RBM8A: variants seen among roughly 807,000 people sequenced by gnomAD.
RBM8A encodes the protein RNA-binding protein 8A.
In RBM8A, 8 loss-of-function variants were observed where a neutral mutation model predicts 25.1. That is an observed-to-expected ratio of 0.32 (90% CI 0.19 to 0.58). RBM8A has a LOEUF of 0.58. RBM8A is among the 20% of genes least tolerant of loss of function. RBM8A has a pLI of 0.88. For synonymous variants in RBM8A, 66 were observed against 80.0 expected, an observed-to-expected ratio of 0.82 and a Z score of 0.94; for missense variants, 114 against 236.8, an observed-to-expected ratio of 0.48 and a Z score of 3.40.
Position 145,926,638 on chromosome 1 carries a change from A to T in RBM8A, c.206-20T>A, listed in dbSNP as rs117017431. Reference sequence around the variant, plus strand: ...CAACAGCTGTTGGGGGACGGGGGGAAGTTGTATGAGTACATGAGAGACACT... The same window carrying T: ...CAACAGCTGTTGGGGGACGGGGGGATGTTGTATGAGTACATGAGAGACACT... On this transcript the variant is annotated intron_variant, in intron 3 of 5. Transcript: ENST00000583313. 2.9e-5 allele frequency: 47 copies of T among 1,613,676 alleles called. No homozygotes were observed. The highest frequency in any genetic ancestry group is 3.3e-5 in the Admixed American group (2 of 59,960).
Position 145,923,016 on chromosome 1 carries a change from G to C in RBM8A, c.*2866C>G, listed in dbSNP as rs1378996164. 1 of 151,914 alleles carries C rather than the reference G, an allele frequency of 6.6e-6. No individual in the cohort carries two copies. Among genetic ancestry groups the C allele is most frequent in the Non-Finnish European group, 1.5e-5 (1 of 68,010 alleles). The allele number at this position is 151,914 out of a possible 1,614,324, so 9.4% of individuals were successfully genotyped here. A position where few individuals can be genotyped will look rare whatever the true frequency, so the allele number is the denominator to read the frequency against. ...TGCTCACTGCAAGCTCCGCCTCCTG[G>C]GTTCAGGTCATTCTCCTGCCTCAGC... On this transcript the variant is annotated 3_prime_UTR_variant, in exon 6 of 6. Coordinates refer to ENST00000583313, the MANE Select transcript of RBM8A (RefSeq NM_005105.5).
rs963752438 is a variant in RBM8A, at chr1:145,922,660, C to G, written c.*3222G>C. ...TCCTTTTAGGTAAATTCTGTATTGCCCATATGCTGTAATTGTAGTTAAAAT... is the reference window on the plus strand; with the variant it reads ...TCCTTTTAGGTAAATTCTGTATTGCGCATATGCTGTAATTGTAGTTAAAAT... On this transcript the variant is annotated 3_prime_UTR_variant, in exon 6 of 6. Coordinates refer to ENST00000583313, the MANE Select transcript of RBM8A (RefSeq NM_005105.5). 5 of 151,778 alleles carry G rather than the reference C, an allele frequency of 3.3e-5. No homozygotes were observed. The highest frequency in any genetic ancestry group is 6.6e-5 in the Admixed American group (1 of 15,216). 9.4% of individuals were successfully genotyped at this position (151,778 alleles called of 1,614,324 possible).
chr1:145,924,561 G>C lies in RBM8A; in HGVS notation c.*1321C>G. 2.7e-6 allele frequency: 1 copy of C among 368,190 alleles called. No homozygotes were observed. The highest frequency in any genetic ancestry group is 5.5e-6 in the Non-Finnish European group (1 of 181,722). The allele number at this position is 368,190 out of a possible 1,614,324, so 22.8% of individuals were successfully genotyped here. ...TAAACAGCTGAGTTAGCTGGACAAG[G>C]ACTAGGGAGGCAATCAGTATTATTT... On this transcript the variant is annotated 3_prime_UTR_variant, in exon 6 of 6. Transcript: ENST00000583313.
rs1647870671 is a variant in RBM8A at position 145,922,855 on chromosome 1, A to G, written c.*3027T>C. The G allele has an allele frequency of 6.6e-6, 1 of 152,196 alleles. No individual in the cohort carries two copies. The highest frequency in any genetic ancestry group is 1.5e-5 in the Non-Finnish European group (1 of 68,036). The allele number at this position is 152,196 out of a possible 1,614,324, so 9.4% of individuals were successfully genotyped here. A position where few individuals can be genotyped will look rare whatever the true frequency, so the allele number is the denominator to read the frequency against. ...TTTCTACAGTACGTGGTAAATGGCAATAAAACAGGATAAAGGAAAGATCAA... is the reference window on the plus strand; with the variant it reads ...TTTCTACAGTACGTGGTAAATGGCAGTAAAACAGGATAAAGGAAAGATCAA... On this transcript the variant is annotated 3_prime_UTR_variant, in exon 6 of 6. Coordinates refer to ENST00000583313, the MANE Select transcript of RBM8A (RefSeq NM_005105.5).
Position 145,922,196 on chromosome 1 carries a change from C to G in RBM8A, c.*3686G>C, listed in dbSNP as rs1468374797. ...CCAAGACTGCACCACTGCACTCCGG[C>G]GTGGGCGGCAGAGCCAGACTCTGTT... is the stretch of plus-strand genomic sequence containing the variant. On this transcript the variant is annotated 3_prime_UTR_variant, in exon 6 of 6. Transcript: ENST00000583313. 1.8e-5 allele frequency: 2 copies of G among 111,518 alleles called. No individual in the cohort carries two copies. 6.9% of individuals were successfully genotyped at this position (111,518 alleles called of 1,614,324 possible). A position where few individuals can be genotyped will look rare whatever the true frequency, so the allele number is the denominator to read the frequency against.
chr1:145,923,355 C>T lies in RBM8A; in HGVS notation c.*2527G>A, dbSNP rs782577303. 1 of 152,348 alleles carries T rather than the reference C, an allele frequency of 6.6e-6. No individual in the cohort carries two copies. The highest frequency in any genetic ancestry group is 1.5e-5 in the Non-Finnish European group (1 of 68,146). 9.4% of individuals were successfully genotyped at this position (152,348 alleles called of 1,614,324 possible). A position where few individuals can be genotyped will look rare whatever the true frequency, so the allele number is the denominator to read the frequency against. On this transcript the variant is annotated 3_prime_UTR_variant, in exon 6 of 6. Transcript: ENST00000583313. The stretch of plus-strand genomic sequence containing the variant: ...AGATGGGAAGAGGAAAGACCATTTC[C>T]CAACTAGCTCAGAGTAGCCTGATCG...
rs1553755928 is a variant in RBM8A at position 145,926,498 on chromosome 1, C to T, written c.326G>A (p.Arg109Gln). ...IKNIHLNLDRRTGYLKGYTLV... is the reference protein window; with the variant it reads ...IKNIHLNLDRQTGYLKGYTLV... Reference sequence around the variant, plus strand: ...TTAGGATACCTTCAGATATCCTGTTCGCCTGTCGAGGTTGAGATGAATGTT... The same window carrying T: ...TTAGGATACCTTCAGATATCCTGTTTGCCTGTCGAGGTTGAGATGAATGTT... Residue 109 changes from arginine (R) to glutamine (Q), a missense_variant, in exon 4 of 6, where the codon CGA becomes CAA. By Grantham distance (43) the Arg-to-Gln change is conservative (BLOSUM62 1). Transcript: ENST00000583313. The T allele has an allele frequency of 1.2e-6, 2 of 1,614,066 alleles. No homozygotes were observed. The highest frequency in any genetic ancestry group is 1.7e-6 in the Non-Finnish European group (2 of 1,180,010).
rs1255830905 is a variant in RBM8A at position 145,923,709 on chromosome 1, A to G, written c.*2173T>C. 4 of 449,950 alleles carry G rather than the reference A, an allele frequency of 8.9e-6. No individual in the cohort carries two copies. Among genetic ancestry groups the G allele is most frequent in the African/African-American group, 7.8e-5 (4 of 51,498 alleles). 27.9% of individuals were successfully genotyped at this position (449,950 alleles called of 1,614,324 possible). A position where few individuals can be genotyped will look rare whatever the true frequency, so the allele number is the denominator to read the frequency against. On this transcript the variant is annotated 3_prime_UTR_variant, in exon 6 of 6. Transcript: ENST00000583313. ...TTCTTTACCATTATAGTTACTGCAC[A>G]TAAGACTATTACTACTAAAGGTCAC...
Position 145,927,439 on chromosome 1 carries a change from C to T in RBM8A, c.-13G>A, listed in dbSNP as rs1553756207. The stretch of plus-strand genomic sequence containing the variant: ...GCACGTCCGCCATCTCGCCTTCGAT[C>T]GAGATCTCGTCTGTGCCGCTCAGAC... On this transcript the variant is annotated 5_prime_UTR_variant, in exon 1 of 6. Coordinates refer to ENST00000583313, the MANE Select transcript of RBM8A (RefSeq NM_005105.5). 2 of 1,608,182 alleles carry T rather than the reference C, an allele frequency of 1.2e-6. No homozygotes were observed. Among genetic ancestry groups the T allele is most frequent in the East Asian group, 2.2e-5 (1 of 44,764 alleles).
chr1:145,926,113 C>T lies in RBM8A; in HGVS notation c.407G>A (p.Gly136Asp). 1 of 1,614,216 alleles carries T rather than the reference C, an allele frequency of 6.2e-7. No homozygotes were observed. ...EAQAAMEGLN[G>D]QDLMGQPISV... ...GATGGGCTGTCCCATCAAATCCTGG[C>T]CATTGAGTCCCTCCATAGCAGCCTG... The change falls in exon 5 of 6, where the codon GGC (glycine) becomes GAC (aspartate). Residue 136 changes from glycine to aspartate, a missense_variant. Gly to Asp is a moderately conservative substitution (Grantham distance 94). Around this residue, in one of 2 missense-constraint regions of RBM8A, gnomAD observed 102 missense variants for 182.7 expected, o/e 0.56. Coordinates refer to ENST00000583313, the MANE Select transcript of RBM8A (RefSeq NM_005105.5).
intron 1 of RBM8A, 22 bp from the exon 2 acceptor site, chr1:145,927,099 G>T (rs782611966): frequency 2.5e-6 from 4 of 1,609,644 alleles, no homozygotes; most frequent in South Asian, 2.2e-5. Flanking sequence ...GAAGATAAAA[G>T]AATAAGTAAC....
chr1:145,925,716 T>A lies in RBM8A; in HGVS notation c.*166A>T. ...TCAATTTTAGGACAGGAAAGTAACA[T>A]TAAATGTAGAAAACAAAAATGGAAC... On this transcript the variant is annotated 3_prime_UTR_variant, in exon 6 of 6. Transcript: ENST00000583313. 1.4e-6 allele frequency: 1 copy of A among 711,550 alleles called. No individual in the cohort carries two copies. 44.1% of individuals were successfully genotyped at this position (711,550 alleles called of 1,614,324 possible).
Position 145,925,822 on chromosome 1 carries a change from G to A in RBM8A, c.*60C>T. The A allele has an allele frequency of 1.9e-6, 3 of 1,540,436 alleles. No homozygotes were observed. Among genetic ancestry groups the A allele is most frequent in the Non-Finnish European group, 2.7e-6 (3 of 1,115,398 alleles). On this transcript the variant is annotated 3_prime_UTR_variant, in exon 6 of 6. Coordinates refer to ENST00000583313, the MANE Select transcript of RBM8A (RefSeq NM_005105.5). ...AGCAAGTTCCACCCCAGTCCTATTT[G>A]TCCAAGGCTGCATGGTCAAATGGAA...
In RBM8A at chr1:145,926,303, T is replaced by G. The variant is rs587621412; in HGVS notation, c.343-126A>C. 328 of 1,449,334 alleles carry G rather than the reference T, an allele frequency of 2.3e-4. 2 individuals carry two copies. The highest frequency in any genetic ancestry group is 8.2e-4 in the African/African-American group (58 of 70,778). 89.8% of individuals were successfully genotyped at this position (1,449,334 alleles called of 1,614,324 possible). On this transcript the variant is annotated intron_variant, in intron 4 of 5. Transcript: ENST00000583313. ...TTAAACAATGAATGTACATCATATA[T>G]CTCTACTGTATATATACATCATCTC...
In RBM8A at chr1:145,922,713, A is replaced by G. The variant is rs1266553080; in HGVS notation, c.*3169T>C. ...TAGTGTTAATAAAATAAAAAATTTA[A>G]TAATGTCACGTTAGAGTGGTAAGGG... On this transcript the variant is annotated 3_prime_UTR_variant, in exon 6 of 6. Transcript: ENST00000583313. The G allele has an allele frequency of 6.6e-6, 1 of 152,206 alleles. No individual in the cohort carries two copies. Among genetic ancestry groups the G allele is most frequent in the Non-Finnish European group, 1.5e-5 (1 of 68,042 alleles). The allele number at this position is 152,206 out of a possible 1,614,324, so 9.4% of individuals were successfully genotyped here.
At position 145,927,011 on chromosome 1, in the gene RBM8A, C is replaced by T. The variant is rs782118272; in HGVS notation, c.127+7G>A. On this transcript the variant is annotated splice_region_variant and intron_variant, in intron 2 of 5. Transcript: ENST00000583313. ...AGGCCACTCTACCCCATTTTCCCCA[C>T]ACTCACCGGAGCCAAAGCCGCGACC... The T allele has an allele frequency of 6.8e-6, 11 of 1,614,204 alleles. No homozygotes were observed. The highest frequency in any genetic ancestry group is 9.3e-6 in the Non-Finnish European group (11 of 1,180,046).
chr1:145,925,949 G>A (rs1553755777), intron 5 of RBM8A, 22 bp from the exon 6 acceptor site: 3 of 1,614,224 alleles, frequency 1.9e-6, no homozygotes, highest in Non-Finnish European at 2.5e-6. Context: ...GAAGCAGGGA[G>A]AGGAGTCCAT....
At position 145,923,870 on chromosome 1, in the gene RBM8A, C is replaced by T; in HGVS notation, c.*2012G>A. 3 of 535,838 alleles carry T rather than the reference C, an allele frequency of 5.6e-6. No homozygotes were observed. Among genetic ancestry groups the T allele is most frequent in the East Asian group, 2.8e-5 (1 of 35,606 alleles). The allele number at this position is 535,838 out of a possible 1,614,324, so 33.2% of individuals were successfully genotyped here. A position where few individuals can be genotyped will look rare whatever the true frequency, so the allele number is the denominator to read the frequency against. ...TGAGTGAGGTGGTAGAAATATCATC[C>T]CTTATAAAGCGCAATGTTAGAATAG... is the stretch of plus-strand genomic sequence containing the variant. On this transcript the variant is annotated 3_prime_UTR_variant, in exon 6 of 6. Transcript: ENST00000583313.
Position 145,925,849 on chromosome 1 carries a change from C to A in RBM8A, c.*33G>T. 3.1e-6 allele frequency: 5 copies of A among 1,597,736 alleles called. No individual in the cohort carries two copies. Among genetic ancestry groups the A allele is most frequent in the Non-Finnish European group, 4.3e-6 (5 of 1,166,492 alleles). On this transcript the variant is annotated 3_prime_UTR_variant, in exon 6 of 6. Transcript: ENST00000583313. ...CCAAGGCTGCATGGTCAAATGGAATCTTGAAGAGAACACCTGGACAACAGA... is the reference window on the plus strand; with the variant it reads ...CCAAGGCTGCATGGTCAAATGGAATATTGAAGAGAACACCTGGACAACAGA...
Sources: allele counts gnomAD v4.1 joint callset, GRCh38; gene constraint gnomAD v4.1.1; regional missense constraint gnomAD v4.1.1; transcripts MANE v1.5; gene names NCBI Gene and HGNC (gene_info 2026-07-23, HGNC 2026-07-21).